TMC1: variants seen among roughly 807,000 people sequenced by gnomAD.
TMC1 encodes the protein transmembrane channel like 1.
Under a neutral mutation model 105.8 loss-of-function variants are expected in TMC1, and 84 were observed. The ratio of observed to expected loss-of-function variants is 0.79; its 90% CI spans 0.67 to 0.95. TMC1 has a LOEUF of 0.95. Ranked by LOEUF, TMC1 falls within the 40% of genes least tolerant of loss-of-function variation. The pLI is 0.00. For synonymous variants in TMC1, 315 were observed against 311.5 expected, an observed-to-expected ratio of 1.01 and a Z score of -0.12; for missense variants, 817 against 914.1, an observed-to-expected ratio of 0.89 and a Z score of 1.37.
chr9:72,815,773 GAC>G (rs1183751518), intron 18 of TMC1, among the ~76,000 whole-genome samples: 1 of 151,998 alleles, frequency 6.6e-6, no homozygotes, highest in Non-Finnish European at 1.5e-5. Flanking sequence ...ATTTTATTAA[GAC>G]AGATTCTAGA....
intron 13 of TMC1, among the ~76,000 whole-genome samples, chr9:72,779,615 C>G (rs939542460): frequency 3.3e-5 from 5 of 152,154 alleles, no homozygotes; most frequent in African/African-American, 1.2e-4. Flanking sequence ...TTTCATAATA[C>G]AATTGGAAGT....
chr9:72,630,760 A>T (rs1452909084), intron 4 of TMC1, among the ~76,000 whole-genome samples: 4 of 152,204 alleles, frequency 2.6e-5, no homozygotes, highest in Non-Finnish European at 5.9e-5. Context: ...TATATACTAA[A>T]GAAAGAAACT....
intron 17 of TMC1, among the ~76,000 whole-genome samples, chr9:72,798,562 C>T (rs548173262): frequency 6.6e-6 from 1 of 151,894 alleles, no homozygotes; most frequent in African/African-American, 2.4e-5. Flanking sequence ...AAAAATGGAT[C>T]TATTATCCTT....
intron 8 of TMC1, among the ~76,000 whole-genome samples, chr9:72,713,001 T>C (rs1796977): frequency 0.23 from 34,643 of 152,062 alleles, 4,283 homozygotes; most frequent in East Asian, 0.38. Context: ...TGAATTTTGT[T>C]GAAGGCCTTT....
At chr9:72,556,218 G>A (rs1823938532) in intron 1 of TMC1, among the ~76,000 whole-genome samples, 1 of 151,164 alleles carries the variant, frequency 6.6e-6, no homozygotes, top group Non-Finnish European at 1.5e-5. Context: ...CTGGGTTCAA[G>A]GGATTCTCCT....
intron 2 of TMC1, among the ~76,000 whole-genome samples, chr9:72,607,002 T>TAGAGAGAGAGAGAGAGAG (rs57741839): frequency 1.6e-3 from 218 of 134,944 alleles, no homozygotes; most frequent in Middle Eastern, 3.9e-3. Flanking sequence ...TATATATATA[T>TAGAGAGAGAGAGAGAGAG]AGAGAGAGAG....
intron 12 of TMC1, 114 bp downstream of exon 12, chr9:72,754,998 G>C (rs758885214): frequency 2.1e-5 from 11 of 514,206 alleles, no homozygotes; most frequent in African/African-American, 2.1e-4. Context: ...TAAGAAAGAC[G>C]TCCCTGCTCC....
chr9:72,554,141 A>C (rs1173540622), intron 1 of TMC1, among the ~76,000 whole-genome samples: 1 of 152,152 alleles, frequency 6.6e-6, no homozygotes, highest in Non-Finnish European at 1.5e-5. Context: ...CCCCAGTCAG[A>C]AGCACTGACG....
At chr9:72,783,161 T>TAC (rs991675496) in intron 13 of TMC1, among the ~76,000 whole-genome samples, 1 of 151,976 alleles carries the variant, frequency 6.6e-6, no homozygotes, top group African/African-American at 2.4e-5. Context: ...GAGATATATA[T>TAC]ATATATATGG....
intron 10 of TMC1, among the ~76,000 whole-genome samples, chr9:72,747,409 G>A (rs1827506539): frequency 6.6e-6 from 1 of 151,976 alleles, no homozygotes; most frequent in African/African-American, 2.4e-5. Flanking sequence ...CTATTCAAGA[G>A]GAAATGATGT....
chr9:72,606,460 G>A (rs1037818516), intron 2 of TMC1, among the ~76,000 whole-genome samples: 1 of 152,140 alleles, frequency 6.6e-6, no homozygotes, highest in Non-Finnish European at 1.5e-5. Context: ...AACCATACAG[G>A]GGGAACTGGG....
chr9:72,830,513 A>G lies in TMC1; in HGVS notation c.2192A>G (p.Lys731Arg), dbSNP rs775993082. 2.4e-5 allele frequency: 39 copies of G among 1,613,516 alleles called. No individual in the cohort carries two copies. The highest frequency in any genetic ancestry group is 5.3e-5 in the African/African-American group (4 of 74,900). ...CAGAAGGCAGCGAATCTGGATCTCA[A>G]AAAGAAGATGAAAATGGTATGATAC... ...KGQKAANLDL[K>R]KKMKMQALEN... is the part of the protein sequence containing the mutation. Residue 731 changes from lysine (K) to arginine (R), a missense_variant, in exon 22 of 24, where the codon AAA (lysine) becomes AGA (arginine). Transcript: ENST00000297784.
chr9:72,717,817 T>G lies in TMC1; in HGVS notation c.362+17174T>G, dbSNP rs145937871. Reference sequence around the variant, plus strand: ...TGAATTTCCCAGGTGTTCGTTGAACTTCTTGTATTTGGATGTCTACATCTC... The same window carrying G: ...TGAATTTCCCAGGTGTTCGTTGAACGTCTTGTATTTGGATGTCTACATCTC... On this transcript the variant is annotated intron_variant, in intron 8 of 23. Transcript: ENST00000297784. Among the ~76,000 whole-genome samples, 189 of 152,344 alleles carry G rather than the reference T, an allele frequency of 1.2e-3. 1 individual carries two copies. Among genetic ancestry groups the G allele is most frequent in the African/African-American group, 4.4e-3 (181 of 41,582 alleles).
chr9:72,615,626 T>C (rs1252217131), intron 2 of TMC1, among the ~76,000 whole-genome samples: 1 of 152,220 alleles, frequency 6.6e-6, no homozygotes, highest in African/African-American at 2.4e-5. Flanking sequence ...TAGTAATGTA[T>C]AGGTTTTTAA....
intron 5 of TMC1, among the ~76,000 whole-genome samples, chr9:72,686,371 G>T (rs1408010130): frequency 6.6e-6 from 1 of 152,218 alleles, no homozygotes; most frequent in Non-Finnish European, 1.5e-5. Context: ...TCTGAGAAAG[G>T]AAAGGGTTTG....
chr9:72,733,193 G>C (rs1827243086), intron 8 of TMC1, among the ~76,000 whole-genome samples: 1 of 151,934 alleles, frequency 6.6e-6, no homozygotes, highest in East Asian at 2.0e-4. Flanking sequence ...TCTGCTTGGA[G>C]AGAAAGAGAA....
rs1410538386 is a variant in TMC1, at chr9:72,688,998, A to G, written c.64+242A>G. ...TTGCTTGCTGAAAAATCAACAAGCA[A>G]AAGACATGTTAATAGGAGAAAAGGC... is the stretch of plus-strand genomic sequence containing the variant. On this transcript the variant is annotated intron_variant, in intron 6 of 23. Coordinates refer to ENST00000297784, the MANE Select transcript of TMC1 (RefSeq NM_138691.3). Among the ~76,000 whole-genome samples the G allele has an allele frequency of 4.6e-5, 7 of 152,276 alleles. No homozygotes were observed. The Middle Eastern group carries it at 0.01, about 222-fold the overall frequency.
intron 1 of TMC1, among the ~76,000 whole-genome samples, chr9:72,572,020 G>C (rs7860310): frequency 0.075 from 11,430 of 152,054 alleles, 518 homozygotes; most frequent in African/African-American, 0.1. Context: ...ATTTTTAGTA[G>C]AGATGGGCTT....
intron 2 of TMC1, among the ~76,000 whole-genome samples, chr9:72,579,086 T>G (rs1824434330): frequency 6.6e-6 from 1 of 152,236 alleles, no homozygotes; most frequent in Non-Finnish European, 1.5e-5. Flanking sequence ...TAGCATCCAT[T>G]TGATTGCAGA....
Sources: allele counts gnomAD v4.1 joint callset (sites outside exome capture counted in the v4.1 genomes callset), GRCh38; gene constraint gnomAD v4.1.1; transcripts MANE v1.5; gene names NCBI Gene and HGNC (gene_info 2026-07-23, HGNC 2026-07-21).